BRD3: variants seen among roughly 807,000 people sequenced by gnomAD.
The protein encoded by BRD3 is bromodomain-containing protein 3.
A neutral mutation model predicts 66.8 loss-of-function variants in BRD3; 17 were observed. That is an observed-to-expected ratio of 0.25 (90% CI 0.17 to 0.38). The LOEUF is 0.38. Ranked by LOEUF, BRD3 falls within the 10% of genes least tolerant of loss-of-function variation. BRD3 has a pLI of 1.00. For synonymous variants in BRD3, 421 were observed against 393.2 expected (o/e 1.07, Z -0.84); for missense variants, 713 against 956.1 (o/e 0.75, Z 3.35).
At chr9:134,063,257 G>C (rs1270616740) in intron 1 of BRD3, among the ~76,000 whole-genome samples, 1 of 152,200 alleles carries the variant, frequency 6.6e-6, no homozygotes, top group Non-Finnish European at 1.5e-5. Flanking sequence ...AGCAAAGCGT[G>C]GGCATGCAGC....
intron 1 of BRD3, among the ~76,000 whole-genome samples, chr9:134,066,266 C>T (rs1588307256): frequency 6.6e-6 from 1 of 152,278 alleles, no homozygotes; most frequent in African/African-American, 2.4e-5. Flanking sequence ...GCCTGCAGCC[C>T]GTCCTGTTAC....
chr9:134,042,674 T>C (rs999075770), intron 7 of BRD3, among the ~76,000 whole-genome samples: 2 of 141,912 alleles, frequency 1.4e-5, no homozygotes, highest in African/African-American at 5.0e-5. Flanking sequence ...CACACACATA[T>C]ATATACACAC....
chr9:134,042,756 CACATATAT>C (rs1338170028), intron 7 of BRD3, among the ~76,000 whole-genome samples: 1 of 146,202 alleles, frequency 6.8e-6, no homozygotes, highest in African/African-American at 2.5e-5. Context: ...CACATATATA[CACATATAT>C]ACACACACAC....
At chr9:134,057,372 C>G (rs1006186826) in intron 1 of BRD3, 4 of 152,246 alleles carry the variant, frequency 2.6e-5, no homozygotes, top group Non-Finnish European at 5.9e-5. Flanking sequence ...TGCTTTCACA[C>G]CATGTTCACC....
chr9:134,052,145 G>A (rs558507646), intron 3 of BRD3, among the ~76,000 whole-genome samples, 161 bp downstream of exon 3: 69 of 152,168 alleles, frequency 4.5e-4, no homozygotes, highest in African/African-American at 1.5e-3. Context: ...CGCCGACCTC[G>A]GCCTCCCAAA....
intron 4 of BRD3, 68 bp from the exon 5 acceptor site, chr9:134,050,656 A>G: frequency 7.5e-7 from 1 of 1,329,292 alleles, no homozygotes. Flanking sequence ...TTCCAGTGCC[A>G]CCCCTCCAGC....
Position 134,032,510 on chromosome 9 carries a change from G to A in BRD3, c.*1080C>T, listed in dbSNP as rs892749769. On this transcript the variant is annotated 3_prime_UTR_variant, in exon 12 of 12. Coordinates refer to ENST00000303407, the MANE Select transcript of BRD3 (RefSeq NM_007371.4). ...CCAACAAACCCAGGGGCGAGCGCGC[G>A]AACAGACGTGGGTGAGCACCGCGCG... 32 of 227,726 alleles carry A rather than the reference G, an allele frequency of 1.4e-4. No individual in the cohort carries two copies. The highest frequency in any genetic ancestry group is 6.7e-4 in the African/African-American group (30 of 44,600). The allele number at this position is 227,726 out of a possible 1,614,324, so 14.1% of individuals were successfully genotyped here. A position where few individuals can be genotyped will look rare whatever the true frequency, so the allele number is the denominator to read the frequency against.
chr9:134,064,110 A>G (rs1235861784), intron 1 of BRD3, among the ~76,000 whole-genome samples: 1 of 152,218 alleles, frequency 6.6e-6, no homozygotes, highest in East Asian at 1.9e-4. Flanking sequence ...CGGACACAAC[A>G]GGGTCCGAGC....
Position 134,032,508 on chromosome 9 carries a change from G to A in BRD3, c.*1082C>T, listed in dbSNP as rs548519373. Reference sequence around the variant, plus strand: ...ACCCAACAAACCCAGGGGCGAGCGCGCGAACAGACGTGGGTGAGCACCGCG... The same window carrying A: ...ACCCAACAAACCCAGGGGCGAGCGCACGAACAGACGTGGGTGAGCACCGCG... On this transcript the variant is annotated 3_prime_UTR_variant, in exon 12 of 12. Transcript: ENST00000303407. 11 of 227,508 alleles carry A rather than the reference G, an allele frequency of 4.8e-5. No homozygotes were observed. Among genetic ancestry groups the A allele is most frequent in the East Asian group, 4.3e-4 (7 of 16,132 alleles). 14.1% of individuals were successfully genotyped at this position (227,508 alleles called of 1,614,324 possible). A position where few individuals can be genotyped will look rare whatever the true frequency, so the allele number is the denominator to read the frequency against.
At chr9:134,051,878 T>TC (rs372701647) in intron 3 of BRD3, among the ~76,000 whole-genome samples, 169 bp from the exon 4 acceptor site, 1 of 116,296 alleles carries the variant, frequency 8.6e-6, no homozygotes. Context: ...TGTGTGTGTG[T>TC]TGTTTTTTTT....
Position 134,033,005 on chromosome 9 carries a change from C to T in BRD3, c.*585G>A, listed in dbSNP as rs202057965. 1.3e-5 allele frequency: 5 copies of T among 397,930 alleles called. No homozygotes were observed. The highest frequency in any genetic ancestry group is 3.6e-5 in the East Asian group (1 of 28,060). The allele number at this position is 397,930 out of a possible 1,614,324, so 24.6% of individuals were successfully genotyped here. A position where few individuals can be genotyped will look rare whatever the true frequency, so the allele number is the denominator to read the frequency against. ...AACGCACATCCCACCCGACCACCCC[C>T]CAAGGGCTCCACGCTCCGGGCTGGG... On this transcript the variant is annotated 3_prime_UTR_variant, in exon 12 of 12. Coordinates refer to ENST00000303407, the MANE Select transcript of BRD3 (RefSeq NM_007371.4). The surrounding 1 kb of genome is among the most constrained non-coding windows in gnomAD (Gnocchi z 5.1).
intron 9 of BRD3, among the ~76,000 whole-genome samples, chr9:134,039,082 C>T (rs1829987067): frequency 1.3e-5 from 2 of 152,164 alleles, no homozygotes; most frequent in South Asian, 4.1e-4. Context: ...TCCCTCCAAG[C>T]ACCAGGGCCT....
At position 134,031,265 on chromosome 9, in the gene BRD3, G is replaced by A. The variant is rs552124062; in HGVS notation, c.*2325C>T. On this transcript the variant is annotated 3_prime_UTR_variant, in exon 12 of 12. Coordinates refer to ENST00000303407, the MANE Select transcript of BRD3 (RefSeq NM_007371.4). ...TGCTGCGCTGCCCCCACAGCCGGCC[G>A]CTCCCCCGACGGCTCACACAGGCAG... The A allele has an allele frequency of 1.6e-4, 34 of 210,168 alleles. No homozygotes were observed. Among genetic ancestry groups the A allele is most frequent in the African/African-American group, 6.4e-4 (28 of 43,962 alleles). 13.0% of individuals were successfully genotyped at this position (210,168 alleles called of 1,614,324 possible).
At chr9:134,064,044 AACTG>A (rs1043102918) in intron 1 of BRD3, among the ~76,000 whole-genome samples, 4 of 152,226 alleles carry the variant, frequency 2.6e-5, no homozygotes, top group African/African-American at 7.2e-5. Context: ...GCAGCCTGCG[AACTG>A]ACTCTCAGGG....
chr9:134,038,441 T>C (rs1176064666), intron 9 of BRD3, among the ~76,000 whole-genome samples: 2 of 152,114 alleles, frequency 1.3e-5, no homozygotes, highest in African/African-American at 4.8e-5. Context: ...ATCACTCAAA[T>C]ATTATATCCC....
At chr9:134,043,107 G>A (rs967883092) in intron 7 of BRD3, among the ~76,000 whole-genome samples, 2 of 152,082 alleles carry the variant, frequency 1.3e-5, no homozygotes, top group African/African-American at 4.8e-5. Context: ...CTAAAGTGCT[G>A]GGATTATAGA....
chr9:134,059,423 C>T (rs1012605082), intron 1 of BRD3, among the ~76,000 whole-genome samples: 1 of 152,204 alleles, frequency 6.6e-6, no homozygotes, highest in Non-Finnish European at 1.5e-5. Flanking sequence ...CAGATGGACT[C>T]AGGTGGAGTG....
chr9:134,033,535 C>G lies in BRD3; in HGVS notation c.*55G>C, dbSNP rs199922240. 1 of 694,406 alleles carries G rather than the reference C, an allele frequency of 1.4e-6. No individual in the cohort carries two copies. The highest frequency in any genetic ancestry group is 2.0e-5 in the Admixed American group (1 of 49,014). The allele number at this position is 694,406 out of a possible 1,614,324, so 43.0% of individuals were successfully genotyped here. A position where few individuals can be genotyped will look rare whatever the true frequency, so the allele number is the denominator to read the frequency against. On this transcript the variant is annotated 3_prime_UTR_variant, in exon 12 of 12. Coordinates refer to ENST00000303407, the MANE Select transcript of BRD3 (RefSeq NM_007371.4). The surrounding 1 kb of genome is among the most constrained non-coding windows in gnomAD (Gnocchi z 5.1). ...TAGTAATATGAACCACAGAGGGGTA[C>G]GGCAGAGTCTCGGCGTGTGCGACAT...
At chr9:134,043,730 G>T (rs1332662004) in intron 7 of BRD3, among the ~76,000 whole-genome samples, 1 of 152,156 alleles carries the variant, frequency 6.6e-6, no homozygotes, top group Non-Finnish European at 1.5e-5. Context: ...GGTCTCCTCT[G>T]TTGCCCAGGC....
Sources: gnomAD v4.1 joint callset for allele counts (sites outside exome capture counted in the v4.1 genomes callset) on GRCh38, gnomAD v4.1.1 for gene constraint, Gnocchi (gnomAD v3.1) non-coding constraint, MANE v1.5 for transcripts, NCBI Gene and HGNC (gene_info 2026-07-23, HGNC 2026-07-21) for gene names.